GINS1: variants seen among roughly 807,000 people sequenced by gnomAD.
GINS1 encodes the protein GINS complex subunit 1.
GINS1 carries 26 observed loss-of-function variants against 34.9 expected under a neutral mutation model. That is an observed-to-expected ratio of 0.74 (90% CI 0.55 to 1.03). GINS1 has a LOEUF of 1.03. Ranked by LOEUF, GINS1 falls within the 50% of genes least tolerant of loss-of-function variation. The probability of loss-of-function intolerance (pLI) is 0.00; values close to 1 mark genes in which losing one functional copy is unlikely to be tolerated. For missense variants in GINS1, 235 were observed against 237.9 expected, an observed-to-expected ratio of 0.99 and a Z score of 0.08; for synonymous variants, 97 against 84.4, an observed-to-expected ratio of 1.15 and a Z score of -0.82.
chr20:25,426,409 C>G (rs1279985759), intron 5 of GINS1, among the ~76,000 whole-genome samples: 1 of 151,722 alleles, frequency 6.6e-6, no homozygotes, highest in African/African-American at 2.4e-5. Context: ...ACTAAAAATA[C>G]AAAATTAGCC....
chr20:25,414,447 A>G (rs935608801), intron 2 of GINS1, among the ~76,000 whole-genome samples: 2 of 152,190 alleles, frequency 1.3e-5, no homozygotes, highest in Admixed American at 1.3e-4. Context: ...ACGGTGGCTC[A>G]TGGCTATAAA....
intron 5 of GINS1, among the ~76,000 whole-genome samples, chr20:25,434,274 C>T (rs2090442140): frequency 6.6e-6 from 1 of 151,574 alleles, no homozygotes; most frequent in African/African-American, 2.4e-5. Context: ...CAGAATGAGT[C>T]TCCACACCTC....
intron 5 of GINS1, among the ~76,000 whole-genome samples, chr20:25,426,541 T>G (rs2146207616): frequency 6.6e-6 from 1 of 152,100 alleles, no homozygotes; most frequent in Non-Finnish European, 1.5e-5. Context: ...TTTCTTTTTT[T>G]TGAGATGGAG....
chr20:25,410,340 CAA>C (rs951196192), intron 1 of GINS1, among the ~76,000 whole-genome samples: 1 of 128,186 alleles, frequency 7.8e-6, no homozygotes, highest in Non-Finnish European at 1.7e-5. Context: ...GACTCCGCCT[CAA>C]AAAAAAAAAA....
At chr20:25,408,706 CTT>C (rs1318675085) in intron 1 of GINS1, among the ~76,000 whole-genome samples, 3 of 152,072 alleles carry the variant, frequency 2.0e-5, no homozygotes, top group Non-Finnish European at 4.4e-5. Flanking sequence ...ACAAAAATAA[CTT>C]TTTGATGTTT....
At position 25,421,448 on chromosome 20, in the gene GINS1, CTTA is replaced by C. The variant is rs1404194049; in HGVS notation, c.330+3258_330+3260del. 6.6e-5 allele frequency among the ~76,000 whole-genome samples: 10 copies of C among 152,180 alleles called. No individual in the cohort carries two copies. The South Asian group carries it at 8.3e-4, about 13-fold the overall frequency. On this transcript the variant is annotated intron_variant, in intron 4 of 6. Coordinates refer to ENST00000262460, the MANE Select transcript of GINS1 (RefSeq NM_021067.5). Reference sequence around the variant, plus strand: ...AAGCACACTGATGATAAGTAAAAATCTTATTATCTGATTTCAAAGTAGTAACAT... The same window carrying C: ...AAGCACACTGATGATAAGTAAAAATCTTATCTGATTTCAAAGTAGTAACAT...
intron 2 of GINS1, among the ~76,000 whole-genome samples, chr20:25,415,541 C>T (rs1397826728): frequency 6.6e-6 from 1 of 152,060 alleles, no homozygotes; most frequent in African/African-American, 2.4e-5. Context: ...CAAAATTAGC[C>T]ATGCGTGGTG....
intron 5 of GINS1, among the ~76,000 whole-genome samples, chr20:25,436,718 C>T (rs1049784902): frequency 1.3e-5 from 2 of 152,132 alleles, no homozygotes; most frequent in Non-Finnish European, 2.9e-5. Context: ...ACTTTCTCCC[C>T]ATCTTCCTGT....
At chr20:25,410,513 G>T (rs1457033165) in intron 1 of GINS1, among the ~76,000 whole-genome samples, 1 of 152,138 alleles carries the variant, frequency 6.6e-6, no homozygotes, top group Non-Finnish European at 1.5e-5. Context: ...CGGCACAGAG[G>T]AAGGCTGACA....
intron 1 of GINS1, chr20:25,409,086 C>CTTTGGCTGGGATGCCT: frequency 1.0e-6 from 1 of 954,564 alleles, no homozygotes; most frequent in Non-Finnish European, 1.2e-6. Context: ...GCGAGGCATC[C>CTTTGGCTGGGATGCCT]CAGCCAAAGG....
chr20:25,431,861 C>G (rs2090428873), intron 5 of GINS1, among the ~76,000 whole-genome samples: 2 of 151,896 alleles, frequency 1.3e-5, no homozygotes, highest in Non-Finnish European at 1.5e-5. Context: ...TGTGAGCCAC[C>G]ATGCCTGGCC....
At position 25,448,222 on chromosome 20, in the gene GINS1, A is replaced by G. The variant is rs1010719853; in HGVS notation, c.*2231A>G. ...TTGATTGAGATTGCATTGAATTTAT[A>G]TAAAACTGTTGGGAGAATTGACATC... On this transcript the variant is annotated 3_prime_UTR_variant, in exon 7 of 7. Coordinates refer to ENST00000262460, the MANE Select transcript of GINS1 (RefSeq NM_021067.5). 4.6e-5 allele frequency: 7 copies of G among 152,232 alleles called. No individual in the cohort carries two copies. Among genetic ancestry groups the G allele is most frequent in the Non-Finnish European group, 7.3e-5 (5 of 68,030 alleles). 9.4% of individuals were successfully genotyped at this position (152,232 alleles called of 1,614,324 possible).
At chr20:25,438,758 C>A (rs956963366) in intron 5 of GINS1, among the ~76,000 whole-genome samples, 1 of 151,922 alleles carries the variant, frequency 6.6e-6, no homozygotes, top group Non-Finnish European at 1.5e-5. Context: ...ATTTTTTGTA[C>A]CGATGGTATT....
intron 5 of GINS1, 119 bp downstream of exon 5, chr20:25,425,446 C>T (rs916484922): frequency 5.8e-6 from 3 of 520,104 alleles, no homozygotes; most frequent in African/African-American, 3.9e-5. Flanking sequence ...AAGCATAGAC[C>T]AAATCAAACA....
At position 25,407,963 on chromosome 20, in the gene GINS1, C is replaced by T. The variant is rs1251006991; in HGVS notation, c.75+68C>T. On this transcript the variant is annotated intron_variant, in intron 1 of 6. Coordinates refer to ENST00000262460, the MANE Select transcript of GINS1 (RefSeq NM_021067.5). ...CCCTGGGCTCTGGGGCGGGGCGGCTCCCCGTCAGGGTTCACTTTCGCACCT... is the reference window on the plus strand; with the variant it reads ...CCCTGGGCTCTGGGGCGGGGCGGCTTCCCGTCAGGGTTCACTTTCGCACCT... 3.4e-6 allele frequency: 4 copies of T among 1,192,944 alleles called. No homozygotes were observed. In the African/African-American group the frequency reaches 4.5e-5, roughly 13 times the overall value. The allele number at this position is 1,192,944 out of a possible 1,614,324, so 73.9% of individuals were successfully genotyped here.
intron 6 of GINS1, among the ~76,000 whole-genome samples, chr20:25,442,615 T>A (rs746597730): frequency 0.096 from 14,464 of 150,412 alleles, 754 homozygotes; most frequent in Non-Finnish European, 0.11. Context: ...TTATTATTTT[T>A]TTTTTTTTTT....
At chr20:25,434,552 A>G (rs997896764) in intron 5 of GINS1, among the ~76,000 whole-genome samples, 8 of 152,026 alleles carry the variant, frequency 5.3e-5, no homozygotes, top group African/African-American at 1.7e-4. Flanking sequence ...GGCTCAATCA[A>G]TCTCCTGCCT....
chr20:25,407,916 G>A, intron 1 of GINS1, 21 bp downstream of exon 1: 1 of 1,590,126 alleles, frequency 6.3e-7, no homozygotes, highest in Non-Finnish European at 8.6e-7. Context: ...GGTAGACTTG[G>A]ACGGGGCATG....
At position 25,407,957 on chromosome 20, in the gene GINS1, G is replaced by T. The variant is rs371038392; in HGVS notation, c.75+62G>T. On this transcript the variant is annotated intron_variant, in intron 1 of 6. Transcript: ENST00000262460. ...GTTGGGCCCTGGGCTCTGGGGCGGGGCGGCTCCCCGTCAGGGTTCACTTTC... is the reference window on the plus strand; with the variant it reads ...GTTGGGCCCTGGGCTCTGGGGCGGGTCGGCTCCCCGTCAGGGTTCACTTTC... 128 of 1,255,514 alleles carry T rather than the reference G, an allele frequency of 1.0e-4. No homozygotes were observed. In the South Asian group the frequency reaches 1.1e-3, roughly 11 times the overall value. 77.8% of individuals were successfully genotyped at this position (1,255,514 alleles called of 1,614,324 possible).
Sources: gnomAD v4.1 joint callset for allele counts (sites outside exome capture counted in the v4.1 genomes callset) on GRCh38, gnomAD v4.1.1 for gene constraint, MANE v1.5 for transcripts, NCBI Gene and HGNC (gene_info 2026-07-23, HGNC 2026-07-21) for gene names.